Variants in BBOX1 observed in about 807,000 individuals in gnomAD.
The protein encoded by BBOX1 is gamma-butyrobetaine hydroxylase 1.
A neutral mutation model predicts 41.6 loss-of-function variants in BBOX1; 35 were observed. The ratio of observed to expected loss-of-function variants is 0.84; its 90% confidence interval spans 0.64 to 1.11. The LOEUF is 1.11. BBOX1 is among the 50% of genes most tolerant of loss of function. The pLI, the probability that BBOX1 is intolerant of heterozygous loss-of-function variation, is 0.00. For synonymous variants in BBOX1, 163 were observed against 154.7 expected (o/e 1.05, Z -0.40); for missense variants, 458 against 460.6 (o/e 0.99, Z 0.05).
intron 4 of BBOX1, among the ~76,000 whole-genome samples, chr11:27,059,650 A>G (rs1388291889): frequency 6.6e-6 from 1 of 152,190 alleles, no homozygotes; most frequent in Non-Finnish European, 1.5e-5. Flanking sequence ...GAACTTTGCA[A>G]AGCCATAGGG....
chr11:27,059,098 T>C (rs1857066953), intron 4 of BBOX1, among the ~76,000 whole-genome samples: 1 of 152,136 alleles, frequency 6.6e-6, no homozygotes, highest in South Asian at 2.1e-4. Context: ...GAAGAATGCT[T>C]TCCTGGGCCA....
rs534288366 is a variant in BBOX1, at chr11:27,041,784, A to C, written c.-39+306A>C. On this transcript the variant is annotated intron_variant, in intron 2 of 8. Coordinates refer to ENST00000263182, the MANE Select transcript of BBOX1 (RefSeq NM_003986.3). ...TAGTCAAATTACTTTATAATCCCTA[A>C]GCTGATCCAGAAAGTAAACAGAAGA... 2.0e-5 allele frequency among the ~76,000 whole-genome samples: 3 copies of C among 152,262 alleles called. No individual in the cohort carries two copies. In the East Asian group the frequency reaches 5.8e-4, roughly 29 times the overall value.
intron 2 of BBOX1, among the ~76,000 whole-genome samples, chr11:27,054,234 T>TGTGTGTGTATGTGTGTGC (rs1491475061): frequency 6.7e-6 from 1 of 148,188 alleles, no homozygotes; most frequent in African/African-American, 2.5e-5. Context: ...TGTGTGTGTG[T>TGTGTGTGTATGTGTGTGC]GCGTGCACAT....
intron 7 of BBOX1, among the ~76,000 whole-genome samples, chr11:27,120,825 T>C (rs1859433225): frequency 6.6e-6 from 1 of 152,118 alleles, no homozygotes; most frequent in Admixed American, 6.5e-5. Flanking sequence ...AAATCCCCAG[T>C]ACATTCATTT....
At chr11:27,102,224 G>C (rs114854798) in intron 5 of BBOX1, among the ~76,000 whole-genome samples, 1 of 151,994 alleles carries the variant, frequency 6.6e-6, no homozygotes. Flanking sequence ...CTCTAAACCA[G>C]GAAAGAAAGG....
rs987193792 is a variant in BBOX1, at chr11:27,118,038, G to A, written c.640-1611G>A. On this transcript the variant is annotated intron_variant, in intron 6 of 8. Coordinates refer to ENST00000263182, the MANE Select transcript of BBOX1 (RefSeq NM_003986.3). ...TATGTAGTAAAATAGAATATTTATA[G>A]ATTTTATCGTACTTTACAAACTTCT... Among the ~76,000 whole-genome samples the A allele has an allele frequency of 2.0e-5, 3 of 152,036 alleles. No individual in the cohort carries two copies. The East Asian group carries it at 5.8e-4, about 29-fold the overall frequency.
chr11:27,055,563 C>A lies in BBOX1; in HGVS notation c.133C>A (p.Leu45Met). Residue 45 changes from leucine to methionine, a missense_variant, in exon 3 of 9, where the codon CTG (leucine) becomes ATG (methionine). By Grantham distance (15) the Leu-to-Met change is conservative (BLOSUM62 2). Coordinates refer to ENST00000263182, the MANE Select transcript of BBOX1 (RefSeq NM_003986.3). ...CAACTGTCCGTGCTCTGATTGCTAC[C>A]TGGATTCTGCAAAAGCACGGAAACT... ...RDNCPCSDCY[L>M]DSAKARKLLV... 1 of 1,614,160 alleles carries A rather than the reference C, an allele frequency of 6.2e-7. No individual in the cohort carries two copies. The highest frequency in any genetic ancestry group is 8.5e-7 in the Non-Finnish European group (1 of 1,180,022).
intron 7 of BBOX1, among the ~76,000 whole-genome samples, chr11:27,122,180 C>T (rs2134110507): frequency 6.6e-6 from 1 of 152,158 alleles, no homozygotes; most frequent in Non-Finnish European, 1.5e-5. Flanking sequence ...GACTGAATTA[C>T]TTATAATTCA....
chr11:27,123,470 G>C (rs1346864057), intron 7 of BBOX1, among the ~76,000 whole-genome samples: 5 of 152,030 alleles, frequency 3.3e-5, no homozygotes, highest in Admixed American at 6.6e-5. Flanking sequence ...GACTGAAACA[G>C]ACGACCCCCC....
At chr11:27,090,950 G>A (rs111364947) in intron 4 of BBOX1, among the ~76,000 whole-genome samples, 40 of 151,870 alleles carry the variant, frequency 2.6e-4, no homozygotes, top group Admixed American at 7.2e-4. Context: ...GCCCAACCCC[G>A]CAGGCAGTCA....
chr11:27,043,854 T>G (rs1851416872), intron 2 of BBOX1, among the ~76,000 whole-genome samples: 2 of 152,192 alleles, frequency 1.3e-5, no homozygotes, highest in Non-Finnish European at 2.9e-5. Flanking sequence ...TGATGAGCAT[T>G]TGAGTTGGTT....
At chr11:27,065,110 A>G (rs913430620) in intron 4 of BBOX1, among the ~76,000 whole-genome samples, 1 of 152,190 alleles carries the variant, frequency 6.6e-6, no homozygotes, top group Non-Finnish European at 1.5e-5. Context: ...TAAATTAAAT[A>G]TCTCTCAAAG....
rs570807359 is a variant in BBOX1 at position 27,119,937 on chromosome 11, G to A, written c.836+92G>A. On this transcript the variant is annotated intron_variant, in intron 7 of 8. Coordinates refer to ENST00000263182, the MANE Select transcript of BBOX1 (RefSeq NM_003986.3). ...AGTTTAAACAGCACAAAACTTCAAC[G>A]AACTTCAGAGCTTTATTTTTATTAA... The A allele has an allele frequency of 9.0e-4, 629 of 697,240 alleles. 1 individual carries two copies. The highest frequency in any genetic ancestry group is 1.4e-3 in the Middle Eastern group (3 of 2,180). 43.2% of individuals were successfully genotyped at this position (697,240 alleles called of 1,614,324 possible). A position where few individuals can be genotyped will look rare whatever the true frequency, so the allele number is the denominator to read the frequency against.
rs570767894 is a variant in BBOX1 at position 27,078,772 on chromosome 11, A to G, written c.335-14396A>G. On this transcript the variant is annotated intron_variant, in intron 4 of 8. Coordinates refer to ENST00000263182, the MANE Select transcript of BBOX1 (RefSeq NM_003986.3). ...TCACTCATGAAATAACATGGTGTTA[A>G]CAGAAAGAGCATACACTTTGGAGTC... Among the ~76,000 whole-genome samples the G allele has an allele frequency of 5.9e-5, 9 of 152,298 alleles. No homozygotes were observed. The South Asian group carries it at 1.9e-3, about 32-fold the overall frequency.
At chr11:27,079,916 AT>A (rs1857776742) in intron 4 of BBOX1, among the ~76,000 whole-genome samples, 2 of 152,108 alleles carry the variant, frequency 1.3e-5, no homozygotes, top group African/African-American at 2.4e-5. Flanking sequence ...TATCATCAAA[AT>A]AAATCAGAAT....
chr11:27,098,124 T>G (rs1263213004), intron 5 of BBOX1, among the ~76,000 whole-genome samples: 1 of 151,994 alleles, frequency 6.6e-6, no homozygotes, highest in Non-Finnish European at 1.5e-5. Context: ...ACAGACAACC[T>G]GTGCCAAGTC....
intron 4 of BBOX1, among the ~76,000 whole-genome samples, chr11:27,087,119 C>T (rs779946713): frequency 1.2e-4 from 19 of 152,030 alleles, no homozygotes; most frequent in East Asian, 3.9e-4. Flanking sequence ...GAAATGAAAA[C>T]GAAGGATTTA....
intron 5 of BBOX1, among the ~76,000 whole-genome samples, chr11:27,093,876 T>C (rs952109130): frequency 1.3e-5 from 2 of 151,908 alleles, no homozygotes; most frequent in East Asian, 1.9e-4. Flanking sequence ...GGCCCAGGGC[T>C]CCATCTCCAA....
chr11:27,102,929 G>A (rs1014470105), intron 5 of BBOX1, among the ~76,000 whole-genome samples: 3 of 152,044 alleles, frequency 2.0e-5, no homozygotes, highest in Admixed American at 6.6e-5. Flanking sequence ...GGTGGCTCAC[G>A]CCTGTAATCC....
Sources: allele counts gnomAD v4.1 joint callset (sites outside exome capture counted in the v4.1 genomes callset), GRCh38; gene constraint gnomAD v4.1.1; transcripts MANE v1.5; gene names NCBI Gene and HGNC (gene_info 2026-07-23, HGNC 2026-07-21).